The following UBR2 variants were observed in gnomAD, a reference collection of about 807,000 sequenced individuals.
UBR2 encodes E3 ubiquitin-protein ligase UBR2.
Under a neutral mutation model 247.9 loss-of-function variants are expected in UBR2, and 92 were observed. The ratio of observed to expected loss-of-function variants is 0.37; its 90% CI spans 0.31 to 0.44. The LOEUF is 0.44. Ranked by LOEUF, UBR2 falls within the 20% of genes least tolerant of loss-of-function variation. The pLI, the probability that UBR2 is intolerant of heterozygous loss-of-function variation, is 1.00. For missense variants in UBR2, 1,613 were observed against 2,112.6 expected, an observed-to-expected ratio of 0.76 and a Z score of 4.64; for synonymous variants, 672 against 693.5, an observed-to-expected ratio of 0.97 and a Z score of 0.49.
In UBR2 at chr6:42,643,507, A is replaced by G. The variant is rs111994946; in HGVS notation, c.2098-707A>G. ...GCTACTTGGGAGGCCAAGACAGGAG[A>G]ATCACTTAAACTTGGGAGGCGGAGG... On this transcript the variant is annotated intron_variant, in intron 18 of 46. Transcript: ENST00000372901. 1.2e-3 allele frequency among the ~76,000 whole-genome samples: 185 copies of G among 152,246 alleles called. 3 individuals are homozygous for G. The highest frequency in any genetic ancestry group is 4.2e-3 in the African/African-American group (175 of 41,544).
intron 2 of UBR2, among the ~76,000 whole-genome samples, chr6:42,586,106 T>A (rs1474984964): frequency 1.3e-5 from 2 of 152,168 alleles, no homozygotes; most frequent in Non-Finnish European, 2.9e-5. Context: ...GGCTCACGCT[T>A]GTAATCCTGG....
At chr6:42,658,477 C>G (rs1797570881) in intron 28 of UBR2, among the ~76,000 whole-genome samples, 157 bp downstream of exon 28, 1 of 151,876 alleles carries the variant, frequency 6.6e-6, no homozygotes, top group South Asian at 2.1e-4. Flanking sequence ...AATTTTTTGT[C>G]TGCTTTTTTT....
chr6:42,649,994 A>T (rs1797019093), intron 22 of UBR2, among the ~76,000 whole-genome samples: 1 of 152,178 alleles, frequency 6.6e-6, no homozygotes, highest in African/African-American at 2.4e-5. Context: ...TTGTTTGGAG[A>T]TGTTGTAATT....
chr6:42,653,605 CCTT>C (rs1797246936), intron 25 of UBR2, among the ~76,000 whole-genome samples: 3 of 125,616 alleles, frequency 2.4e-5, no homozygotes, highest in Non-Finnish European at 3.2e-5. Context: ...CATGCTAAGC[CCTT>C]TTTTTTTTTT....
intron 1 of UBR2, among the ~76,000 whole-genome samples, chr6:42,567,962 G>A (rs900612521): frequency 1.3e-5 from 2 of 152,130 alleles, no homozygotes; most frequent in African/African-American, 2.4e-5. Context: ...AGGGAGGATC[G>A]CTTGAGCCCA....
In UBR2 at chr6:42,616,157, G is replaced by C. The variant is rs537661696; in HGVS notation, c.1182+67G>C. On this transcript the variant is annotated intron_variant, in intron 10 of 46. Transcript: ENST00000372901. ...TAACTATGCCCATAATTATATCTAG[G>C]CTTCAAAAAATTAACATCTAATAGT... The C allele has an allele frequency of 4.5e-6, 5 of 1,104,366 alleles. No homozygotes were observed. In the Admixed American group the frequency reaches 8.2e-5, roughly 18 times the overall value. 68.4% of individuals were successfully genotyped at this position (1,104,366 alleles called of 1,614,324 possible). A position where few individuals can be genotyped will look rare whatever the true frequency, so the allele number is the denominator to read the frequency against.
chr6:42,651,910 GACCA>G (rs2151966763), intron 23 of UBR2, 109 bp from the exon 24 acceptor site: 1 of 1,018,496 alleles, frequency 9.8e-7, no homozygotes, highest in African/African-American at 1.7e-5. Flanking sequence ...AGGAGTTCAA[GACCA>G]GCCTGGCCAA....
intron 31 of UBR2, among the ~76,000 whole-genome samples, chr6:42,662,638 C>T (rs570127828): frequency 4.6e-5 from 7 of 152,162 alleles, no homozygotes; most frequent in Non-Finnish European, 1.0e-4. Context: ...GATGTTAGTA[C>T]TTGCTTTGTT....
At chr6:42,685,592 G>A (rs1391079367) in intron 44 of UBR2, among the ~76,000 whole-genome samples, 1 of 151,700 alleles carries the variant, frequency 6.6e-6, no homozygotes, top group Non-Finnish European at 1.5e-5. Context: ...AGCCTCCTGA[G>A]TAGCTGGGAT....
chr6:42,688,737 C>G (rs1381095888), intron 45 of UBR2, among the ~76,000 whole-genome samples: 1 of 152,196 alleles, frequency 6.6e-6, no homozygotes, highest in Non-Finnish European at 1.5e-5. Flanking sequence ...TTTACCTCCA[C>G]TTATACATAT....
At chr6:42,678,241 C>G (rs1798828247) in intron 40 of UBR2, among the ~76,000 whole-genome samples, 1 of 152,184 alleles carries the variant, frequency 6.6e-6, no homozygotes, top group Admixed American at 6.5e-5. Context: ...GAGGCTGAGG[C>G]AGGAGAATGG....
chr6:42,572,457 CTT>C (rs537516250), intron 1 of UBR2, among the ~76,000 whole-genome samples: 3,275 of 140,668 alleles, frequency 0.023, 113 homozygotes, highest in African/African-American at 0.08. Flanking sequence ...CTTGAACATA[CTT>C]TTTTTTTTTT....
At chr6:42,633,161 T>C (rs1795865510) in intron 13 of UBR2, among the ~76,000 whole-genome samples, 2 of 143,684 alleles carry the variant, frequency 1.4e-5, no homozygotes, top group South Asian at 4.4e-4. Context: ...AGGCCCAGCT[T>C]CTTTGTTGTT....
intron 4 of UBR2, among the ~76,000 whole-genome samples, chr6:42,595,053 T>G (rs1171291030): frequency 6.6e-6 from 1 of 152,192 alleles, no homozygotes; most frequent in African/African-American, 2.4e-5. Context: ...GCGTGATATT[T>G]ATGGGGCACA....
chr6:42,619,731 CAA>C (rs1183130869), intron 11 of UBR2: 8 of 145,412 alleles, frequency 5.5e-5, no homozygotes, highest in Admixed American at 1.4e-4. Context: ...ATTCGGTATC[CAA>C]AAAAAAAAAG....
At chr6:42,666,032 C>T in intron 33 of UBR2, 135 bp from the exon 34 acceptor site, 1 of 644,634 alleles carries the variant, frequency 1.6e-6, no homozygotes, top group Non-Finnish European at 2.6e-6. Context: ...CGTTTTCATG[C>T]TTCATATGGT....
chr6:42,629,388 G>A (rs1340385675), intron 11 of UBR2, among the ~76,000 whole-genome samples: 1 of 150,788 alleles, frequency 6.6e-6, no homozygotes, highest in African/African-American at 2.4e-5. Context: ...GCACAGTGGC[G>A]CACACCTGTA....
At chr6:42,682,164 G>A (rs1052036145) in intron 42 of UBR2, among the ~76,000 whole-genome samples, 3 of 152,102 alleles carry the variant, frequency 2.0e-5, no homozygotes, top group Non-Finnish European at 4.4e-5. Context: ...GTCACAAAAG[G>A]ATAAATACTG....
intron 10 of UBR2, chr6:42,617,134 C>T (rs1336650903): frequency 7.8e-6 from 7 of 898,338 alleles, no homozygotes; most frequent in Non-Finnish European, 1.3e-5. Context: ...TTATTGTTCT[C>T]ATAGCAGTGT....
Sources: gnomAD v4.1 joint callset for allele counts (sites outside exome capture counted in the v4.1 genomes callset) on GRCh38, gnomAD v4.1.1 for gene constraint, MANE v1.5 for transcripts, NCBI Gene and HGNC (gene_info 2026-07-23, HGNC 2026-07-21) for gene names.